AGAP1: variants seen among roughly 807,000 people sequenced by gnomAD.
AGAP1 encodes ArfGAP with GTPase domain, ankyrin repeat and PH domain 1.
In AGAP1, 29 loss-of-function variants were observed where a neutral mutation model predicts 105.3. The observed-to-expected ratio is 0.28, with a 90% CI of 0.21 to 0.38. The LOEUF (loss-of-function observed/expected upper bound fraction) is 0.38, where lower values mean the gene tolerates loss of function less well. AGAP1 is among the 10% of genes least tolerant of loss of function. The probability of loss-of-function intolerance (pLI) is 1.00; values close to 1 mark genes in which losing one functional copy is unlikely to be tolerated. For synonymous variants in AGAP1, 509 were observed against 485.9 expected (o/e 1.05, Z -0.63); for missense variants, 998 against 1,165.1 (o/e 0.86, Z 2.09).
chr2:235,815,155 C>A (rs1357785130), intron 9 of AGAP1, among the ~76,000 whole-genome samples: 1 of 152,136 alleles, frequency 6.6e-6, no homozygotes, highest in Non-Finnish European at 1.5e-5. Flanking sequence ...GACAGTGGGG[C>A]GTGCCCAGCA....
chr2:235,756,432 AAG>A (rs1032363764), intron 6 of AGAP1, among the ~76,000 whole-genome samples: 16 of 152,294 alleles, frequency 1.1e-4, no homozygotes, highest in Non-Finnish European at 1.8e-4. Flanking sequence ...TTCCTAAAGA[AAG>A]AGGGGTTTCC....
rs1167476211 is a variant in AGAP1 at position 235,927,481 on chromosome 2, G to A, written c.1325-3284G>A. Among the ~76,000 whole-genome samples the A allele has an allele frequency of 6.6e-6, 1 of 152,232 alleles. No homozygotes were observed. The highest frequency in any genetic ancestry group is 1.5e-5 in the Non-Finnish European group (1 of 68,040). On this transcript the variant is annotated intron_variant, in intron 11 of 17. Transcript: ENST00000304032. This position sits in a 1 kb window ranked among gnomAD's most constrained non-coding sequence, Gnocchi z 4.4. Reference sequence around the variant, plus strand: ...CAGCAGAGTCCTGTTGTTTCCTAGTGTGTAGGCTTGAAGGAATCTCTCCCT... The same window carrying A: ...CAGCAGAGTCCTGTTGTTTCCTAGTATGTAGGCTTGAAGGAATCTCTCCCT...
At chr2:235,589,194 G>GT (rs928149334) in intron 1 of AGAP1, among the ~76,000 whole-genome samples, 8,005 of 59,144 alleles carry the variant, frequency 0.14, 1,473 homozygotes, top group East Asian at 0.18. Context: ...TTATTGTTTT[G>GT]TTTTTTTTTT....
chr2:235,709,500 C>A (rs1950721719), intron 2 of AGAP1, among the ~76,000 whole-genome samples: 1 of 151,378 alleles, frequency 6.6e-6, no homozygotes, highest in Admixed American at 6.6e-5. Context: ...CCATCATCAT[C>A]CTCTCTCTCA....
chr2:235,562,918 C>T (rs144681208), intron 1 of AGAP1, among the ~76,000 whole-genome samples: 31 of 152,060 alleles, frequency 2.0e-4, no homozygotes, highest in African/African-American at 6.0e-4. Flanking sequence ...AAAATTAGCC[C>T]GGCCGGTGGT....
rs559200016 is a variant in AGAP1, at chr2:235,870,627, GA to G, written c.1051-12705del. 4.5e-3 allele frequency among the ~76,000 whole-genome samples: 630 copies of G among 140,284 alleles called. 1 individual carries two copies. The highest frequency in any genetic ancestry group is 0.011 in the East Asian group (53 of 4,832). The allele number at this position is 140,284 out of a possible 152,430, so 92.0% of individuals were successfully genotyped here. A position where few individuals can be genotyped will look rare whatever the true frequency, so the allele number is the denominator to read the frequency against. On this transcript the variant is annotated intron_variant, in intron 9 of 17. Coordinates refer to ENST00000304032, the MANE Select transcript of AGAP1 (RefSeq NM_001037131.3). The stretch of plus-strand genomic sequence containing the variant: ...GGCAACAAGAGTGAAACTCCATCTG[GA>G]AAAAAAAAAAAATGATGGAGAGGGA...
chr2:235,609,297 A>G lies in AGAP1; in HGVS notation c.164-99882A>G, dbSNP rs1005368909. On this transcript the variant is annotated intron_variant, in intron 1 of 17. Coordinates refer to ENST00000304032, the MANE Select transcript of AGAP1 (RefSeq NM_001037131.3). This position sits in a 1 kb window ranked among gnomAD's most constrained non-coding sequence, Gnocchi z 5.1. Reference sequence around the variant, plus strand: ...CCACTGGTGCTTGGAAGAGAACACAATGAAATTGAGTCCCTAGCAGGAGAA... The same window carrying G: ...CCACTGGTGCTTGGAAGAGAACACAGTGAAATTGAGTCCCTAGCAGGAGAA... Among the ~76,000 whole-genome samples the G allele has an allele frequency of 6.6e-6, 1 of 152,146 alleles. No individual in the cohort carries two copies. Among genetic ancestry groups the G allele is most frequent in the Admixed American group, 6.5e-5 (1 of 15,274 alleles).
In AGAP1 at chr2:235,733,477, G is replaced by A. The variant is rs79011763; in HGVS notation, c.311-7486G>A. Among the ~76,000 whole-genome samples the A allele has an allele frequency of 6.4e-3, 979 of 152,220 alleles. 16 individuals carry two copies. Among genetic ancestry groups the A allele is most frequent in the African/African-American group, 0.022 (927 of 41,520 alleles). Reference sequence around the variant, plus strand: ...TTTTTGAGGTTTATTATGTAAAGCCGTGCCCCTTTTCCTGTTGGATGGTGA... The same window carrying A: ...TTTTTGAGGTTTATTATGTAAAGCCATGCCCCTTTTCCTGTTGGATGGTGA... On this transcript the variant is annotated intron_variant, in intron 3 of 17. Transcript: ENST00000304032. The surrounding 1 kb of genome is among the most constrained non-coding windows in gnomAD (Gnocchi z 5.0).
At position 236,038,246 on chromosome 2, in the gene AGAP1, T is replaced by C. The variant is rs1316985191; in HGVS notation, c.1800+1531T>C. 6.6e-6 allele frequency among the ~76,000 whole-genome samples: 1 copy of C among 152,118 alleles called. No individual in the cohort carries two copies. Among genetic ancestry groups the C allele is most frequent in the East Asian group, 1.9e-4 (1 of 5,196 alleles). On this transcript the variant is annotated intron_variant, in intron 14 of 17. Coordinates refer to ENST00000304032, the MANE Select transcript of AGAP1 (RefSeq NM_001037131.3). This position sits in a 1 kb window ranked among gnomAD's most constrained non-coding sequence, Gnocchi z 4.5. ...CAATGGGAAGCAACAGCACACAGCA[T>C]CCTCCAAGCGTGGGCAGCTCATTCT... is the stretch of plus-strand genomic sequence containing the variant.
intron 1 of AGAP1, among the ~76,000 whole-genome samples, chr2:235,707,187 T>C (rs1489491240): frequency 6.6e-6 from 1 of 152,186 alleles, no homozygotes; most frequent in Non-Finnish European, 1.5e-5. Flanking sequence ...CAGGGAGAAG[T>C]CCGCCTCCCA....
At chr2:235,812,277 A>G (rs1010092925) in intron 9 of AGAP1, among the ~76,000 whole-genome samples, 2 of 152,218 alleles carry the variant, frequency 1.3e-5, no homozygotes, top group African/African-American at 4.8e-5. Flanking sequence ...AGCCGTGGGA[A>G]AAGCCTTCCC....
In AGAP1 at chr2:235,747,143, C is replaced by T. The variant is rs139461164; in HGVS notation, c.538+2304C>T. Among the ~76,000 whole-genome samples the T allele has an allele frequency of 1.9e-3, 295 of 152,178 alleles. No homozygotes were observed. The highest frequency in any genetic ancestry group is 6.9e-3 in the African/African-American group (286 of 41,530). On this transcript the variant is annotated intron_variant, in intron 5 of 17. Transcript: ENST00000304032. This position sits in a 1 kb window ranked among gnomAD's most constrained non-coding sequence, Gnocchi z 5.0. ...TGCGACCAGTGTTCCAGGGTCCTGC[C>T]TGGAATCCTGAACCCCACCCCCCAC...
Position 235,961,826 on chromosome 2 carries a change from G to T in AGAP1, c.1484-6636G>T, listed in dbSNP as rs1248408516. Among the ~76,000 whole-genome samples the T allele has an allele frequency of 6.6e-6, 1 of 152,164 alleles. No homozygotes were observed. Among genetic ancestry groups the T allele is most frequent in the African/African-American group, 2.4e-5 (1 of 41,454 alleles). On this transcript the variant is annotated intron_variant, in intron 12 of 17. Coordinates refer to ENST00000304032, the MANE Select transcript of AGAP1 (RefSeq NM_001037131.3). This position sits in a 1 kb window ranked among gnomAD's most constrained non-coding sequence, Gnocchi z 5.9. ...AGAGGTGGCAGTGAGCCGAGATCAC[G>T]CCACTGCACTACAGCCTGGTGACAG...
rs902868956 is a variant in AGAP1, at chr2:235,753,503, G to A, written c.673+3015G>A. ...GCAGATCACCTGAGGTCCATAGTTC[G>A]AGACCAGCCTGGCCACCATGGCGAA... On this transcript the variant is annotated intron_variant, in intron 6 of 17. Coordinates refer to ENST00000304032, the MANE Select transcript of AGAP1 (RefSeq NM_001037131.3). This position sits in a 1 kb window ranked among gnomAD's most constrained non-coding sequence, Gnocchi z 4.5. Among the ~76,000 whole-genome samples the A allele has an allele frequency of 6.6e-6, 1 of 152,078 alleles. No homozygotes were observed. The highest frequency in any genetic ancestry group is 2.4e-5 in the African/African-American group (1 of 41,412).
chr2:235,527,857 C>T (rs539196234), intron 1 of AGAP1, among the ~76,000 whole-genome samples: 2 of 152,298 alleles, frequency 1.3e-5, no homozygotes, highest in South Asian at 4.1e-4. Context: ...CAGAGAGGCT[C>T]CTGTGTATAA....
chr2:235,602,445 C>G (rs988481678), intron 1 of AGAP1, among the ~76,000 whole-genome samples: 3 of 152,146 alleles, frequency 2.0e-5, no homozygotes, highest in African/African-American at 7.2e-5. Flanking sequence ...TACCTCTTTG[C>G]CCGCCAGGCT....
At position 236,079,370 on chromosome 2, in the gene AGAP1, TAAA is replaced by T. The variant is rs3030747; in HGVS notation, c.2114+30106_2114+30108del. Among the ~76,000 whole-genome samples the T allele has an allele frequency of 5.1e-3, 655 of 127,496 alleles. 8 individuals carry two copies. The highest frequency in any genetic ancestry group is 0.015 in the African/African-American group (513 of 35,094). 83.6% of individuals were successfully genotyped at this position (127,496 alleles called of 152,430 possible). ...TCTGTCTCTACAAAAAAAGAAAATTTAAAAAAAAAAAAAAAAAAACAGGCATGG... is the reference window on the plus strand; with the variant it reads ...TCTGTCTCTACAAAAAAAGAAAATTTAAAAAAAAAAAAAAAACAGGCATGG... On this transcript the variant is annotated intron_variant, in intron 16 of 17. Transcript: ENST00000304032.
intron 12 of AGAP1, among the ~76,000 whole-genome samples, chr2:235,941,468 G>A (rs777619491): frequency 3.3e-5 from 5 of 152,128 alleles, no homozygotes; most frequent in East Asian, 1.9e-4. Context: ...AAGAATCGAC[G>A]GATAATCACT....
At chr2:235,794,412 G>T (rs148982660) in intron 6 of AGAP1, among the ~76,000 whole-genome samples, 3 of 152,190 alleles carry the variant, frequency 2.0e-5, no homozygotes, top group Non-Finnish European at 1.5e-5. Flanking sequence ...TCATAGGGAA[G>T]TGTGCTGCCC....
Sources: gnomAD v4.1 joint callset for allele counts (sites outside exome capture counted in the v4.1 genomes callset) on GRCh38, gnomAD v4.1.1 for gene constraint, Gnocchi (gnomAD v3.1) non-coding constraint, MANE v1.5 for transcripts, NCBI Gene and HGNC (gene_info 2026-07-23, HGNC 2026-07-21) for gene names.